The following SPG11 variants were observed in gnomAD, a reference collection of about 807,000 sequenced individuals.
SPG11 encodes SPG11 vesicle trafficking associated, spatacsin, also known as spatacsin.
Under a neutral mutation model 274.0 loss-of-function variants are expected in SPG11, and 222 were observed. That is an observed-to-expected ratio of 0.81 (90% CI 0.73 to 0.91). The LOEUF is 0.91. Among genes scored for constraint, SPG11 ranks in the 40% least tolerant of loss-of-function variants. The pLI, the probability that SPG11 is intolerant of heterozygous loss-of-function variation, is 0.00. For synonymous variants in SPG11, 1,144 were observed against 1,039.7 expected, an observed-to-expected ratio of 1.10 and a Z score of -1.93; for missense variants, 3,114 against 2,872.7, an observed-to-expected ratio of 1.08 and a Z score of -1.92.
chr15:44,588,190 TA>T (rs1304674867), intron 28 of SPG11, among the ~76,000 whole-genome samples: 24 of 151,560 alleles, frequency 1.6e-4, no homozygotes, highest in Non-Finnish European at 1.5e-5. Flanking sequence ...TATCATTCAA[TA>T]AAAAACTTGA....
intron 7 of SPG11, among the ~76,000 whole-genome samples, chr15:44,643,523 A>G (rs910008308): frequency 1.3e-5 from 2 of 152,194 alleles, no homozygotes; most frequent in Admixed American, 1.3e-4. Flanking sequence ...CATGCCATAT[A>G]AGAAATTGAA....
chr15:44,654,915 G>A lies in SPG11; in HGVS notation c.869+2180C>T, dbSNP rs140117829. 2.6e-3 allele frequency among the ~76,000 whole-genome samples: 397 copies of A among 152,208 alleles called. 5 individuals carry two copies. Among genetic ancestry groups the A allele is most frequent in the African/African-American group, 9.3e-3 (385 of 41,522 alleles). On this transcript the variant is annotated intron_variant, in intron 4 of 39. Coordinates refer to ENST00000261866, the MANE Select transcript of SPG11 (RefSeq NM_025137.4). ...TTACGGACTGTACATGATACCATTC[G>A]AAGCCAAAGAAAATGTAAACGAATG...
At chr15:44,663,161 C>T (rs1264775524) in intron 1 of SPG11, among the ~76,000 whole-genome samples, 1 of 152,248 alleles carries the variant, frequency 6.6e-6, no homozygotes, top group African/African-American at 2.4e-5. Context: ...TCTCCGCCCA[C>T]CCGGAACAGG....
intron 7 of SPG11, among the ~76,000 whole-genome samples, chr15:44,636,307 T>C (rs1310204708): frequency 6.6e-6 from 1 of 152,106 alleles, no homozygotes; most frequent in Non-Finnish European, 1.5e-5. Flanking sequence ...ATGCCTTCGT[T>C]CTGAGTGATG....
chr15:44,605,881 G>A (rs1859268863), intron 20 of SPG11, 144 bp downstream of exon 20: 1 of 725,640 alleles, frequency 1.4e-6, no homozygotes, highest in South Asian at 1.5e-5. Flanking sequence ...TTTCAATTCT[G>A]TCTTTGCGAA....
intron 7 of SPG11, among the ~76,000 whole-genome samples, chr15:44,642,042 G>C (rs1323359515): frequency 6.6e-6 from 1 of 151,456 alleles, no homozygotes; most frequent in African/African-American, 2.4e-5. Context: ...AAACATGGAT[G>C]AATCAAAAAA....
chr15:44,648,788 T>G, intron 7 of SPG11, 78 bp downstream of exon 7: 1 of 1,496,358 alleles, frequency 6.7e-7, no homozygotes, highest in Non-Finnish European at 9.3e-7. Context: ...TTAAATGAAT[T>G]CTCTCAAATC....
chr15:44,660,211 T>C (rs961257740), intron 2 of SPG11, among the ~76,000 whole-genome samples: 7 of 152,202 alleles, frequency 4.6e-5, no homozygotes, highest in African/African-American at 1.7e-4. Context: ...AGATATTTTA[T>C]TTTTAGTATT....
chr15:44,660,940 T>G (rs1204748420), intron 1 of SPG11, among the ~76,000 whole-genome samples: 1 of 152,182 alleles, frequency 6.6e-6, no homozygotes, highest in Non-Finnish European at 1.5e-5. Context: ...AGGGTAGGTA[T>G]CAACAACAAA....
chr15:44,597,411 C>T (rs1345583121), intron 23 of SPG11, among the ~76,000 whole-genome samples: 2 of 152,062 alleles, frequency 1.3e-5, no homozygotes, highest in South Asian at 2.1e-4. Flanking sequence ...TGTGCCTGGC[C>T]AAAAACAGTA....
chr15:44,626,342 A>C lies in SPG11; in HGVS notation c.2233T>G (p.Leu745Val), dbSNP rs1240795496. The C allele has an allele frequency of 6.2e-7, 1 of 1,612,006 alleles. No individual in the cohort carries two copies. The highest frequency in any genetic ancestry group is 8.5e-7 in the Non-Finnish European group (1 of 1,179,578). The change falls in exon 11 of 40, where the codon TTG (leucine) becomes GTG (valine). Residue 745 changes from leucine to valine, a missense_variant. Leu to Val is a conservative substitution (Grantham distance 32). Coordinates refer to ENST00000261866, the MANE Select transcript of SPG11 (RefSeq NM_025137.4). ...ATTACACCACTCACCATATTCTTCAAAAGTTCAGAGGCTTCCTTTATATTG... is the reference window on the plus strand; with the variant it reads ...ATTACACCACTCACCATATTCTTCACAAGTTCAGAGGCTTCCTTTATATTG... ...KNNIKEASEL[L>V]KNMGFDVKGQ...
At chr15:44,644,732 G>C (rs1279419489) in intron 7 of SPG11, among the ~76,000 whole-genome samples, 1 of 152,004 alleles carries the variant, frequency 6.6e-6, no homozygotes, top group Admixed American at 6.6e-5. Context: ...AAAGTTTCAG[G>C]ATACAAAATC....
intron 29 of SPG11, among the ~76,000 whole-genome samples, chr15:44,584,874 C>T (rs1013288469): frequency 2.6e-5 from 4 of 152,206 alleles, no homozygotes; most frequent in African/African-American, 7.2e-5. Flanking sequence ...AGCAATCCTC[C>T]TGCCTTGCCC....
intron 7 of SPG11, among the ~76,000 whole-genome samples, 179 bp downstream of exon 7, chr15:44,648,687 A>G (rs1048615571): frequency 1.2e-4 from 18 of 152,144 alleles, no homozygotes; most frequent in African/African-American, 4.3e-4. Context: ...TAAAGCCAAA[A>G]AGGGTAAACT....
At chr15:44,635,872 G>C (rs985108725) in intron 7 of SPG11, among the ~76,000 whole-genome samples, 2 of 151,432 alleles carry the variant, frequency 1.3e-5, no homozygotes, top group African/African-American at 4.9e-5. Context: ...AGCCGAGATT[G>C]CGCCATTGCA....
rs112815798 is a variant in SPG11 at position 44,593,754 on chromosome 15, CT to C, written c.4636-1317del. On this transcript the variant is annotated intron_variant, in intron 26 of 39. Coordinates refer to ENST00000261866, the MANE Select transcript of SPG11 (RefSeq NM_025137.4). ...TGAGAGCAACATCACTTCATAATAT[CT>C]TTTTTTTTTTTTTTTTGAGACACGG... Among the ~76,000 whole-genome samples, 600 of 135,458 alleles carry C rather than the reference CT, an allele frequency of 4.4e-3. 1 individual carries two copies. Among genetic ancestry groups the C allele is most frequent in the Admixed American group, 5.1e-3 (69 of 13,402 alleles). 88.9% of individuals were successfully genotyped at this position (135,458 alleles called of 152,430 possible).
At chr15:44,630,941 G>A (rs2084044273) in intron 8 of SPG11, among the ~76,000 whole-genome samples, 1 of 152,028 alleles carries the variant, frequency 6.6e-6, no homozygotes, top group Non-Finnish European at 1.5e-5. Context: ...AGAAAAAAAA[G>A]AAAACATCCA....
intron 28 of SPG11, among the ~76,000 whole-genome samples, chr15:44,587,832 T>C (rs940880625): frequency 2.0e-5 from 3 of 151,976 alleles, no homozygotes; most frequent in Non-Finnish European, 2.9e-5. Context: ...TTTAACAATG[T>C]AGTCAATTCT....
chr15:44,626,238 A>T, intron 11 of SPG11, 93 bp downstream of exon 11: 1 of 1,081,368 alleles, frequency 9.2e-7, no homozygotes, highest in Non-Finnish European at 1.3e-6. Flanking sequence ...TAAATTTCTT[A>T]GTTTATGAAA....
Sources: gnomAD v4.1 joint callset for allele counts (sites outside exome capture counted in the v4.1 genomes callset) on GRCh38, gnomAD v4.1.1 for gene constraint, MANE v1.5 for transcripts, NCBI Gene and HGNC (gene_info 2026-07-23, HGNC 2026-07-21) for gene names.